Variants in ESS2 observed in about 807,000 individuals in gnomAD.
ESS2 encodes the protein splicing factor ESS-2 homolog.
A neutral mutation model predicts 52.0 loss-of-function variants in ESS2; 31 were observed. The observed-to-expected ratio is 0.60, with a 90% CI of 0.45 to 0.81. The LOEUF (loss-of-function observed/expected upper bound fraction) is 0.81, where lower values mean the gene tolerates loss of function less well. ESS2 is among the 30% of genes least tolerant of loss of function. The pLI is 0.00. For missense variants in ESS2, 602 were observed against 637.2 expected (o/e 0.94, Z 0.59); for synonymous variants, 285 against 259.2 (o/e 1.10, Z -0.95).
rs2083513918 is a variant in ESS2 at position 19,132,065 on chromosome 22, G to A, written c.*2131C>T. ...TGCCCTATGACGACTCCGACATCAG[G>A]AAGATGCTGCGTATCCAGAAGGAGC... On this transcript the variant is annotated 3_prime_UTR_variant, in exon 10 of 10. Coordinates refer to ENST00000252137, the MANE Select transcript of ESS2 (RefSeq NM_022719.3). This position sits in a 1 kb window ranked among gnomAD's most constrained non-coding sequence, Gnocchi z 4.2. 3.1e-6 allele frequency: 5 copies of A among 1,614,010 alleles called. No individual in the cohort carries two copies. In the Middle Eastern group the frequency reaches 6.6e-4, roughly 213 times the overall value.
intron 1 of ESS2, 175 bp downstream of exon 1, chr22:19,144,331 C>T (rs2083747243): frequency 7.1e-7 from 1 of 1,417,284 alleles, no homozygotes; most frequent in Non-Finnish European, 9.2e-7. Context: ...ACTACAGCCT[C>T]TTCCACCACA....
In ESS2 at chr22:19,144,521, C is replaced by T. The variant is rs770410230; in HGVS notation, c.120G>A (p.Glu40=). 3 of 1,610,862 alleles carry T rather than the reference C, an allele frequency of 1.9e-6. No individual in the cohort carries two copies. Among genetic ancestry groups the T allele is most frequent in the South Asian group, 1.1e-5 (1 of 91,042 alleles). Residue 40 remains glutamate (E), a synonymous_variant, in exon 1 of 10, where the codon GAG becomes GAA. Coordinates refer to ENST00000252137, the MANE Select transcript of ESS2 (RefSeq NM_022719.3). ...GAGGTCGTACCTCGATATACTCTTC[C>T]TCGTCCAGGACCCGCTGCTTGCTCG... is the stretch of plus-strand genomic sequence containing the variant. ...AATSKQRVLD[E]EEYIEGLQTV... is the part of the protein sequence containing the mutation.
rs2083502265 is a variant in ESS2 at position 19,131,186 on chromosome 22, T to TC, written c.*3009dup. The TC allele has an allele frequency of 1.8e-6, 1 of 543,998 alleles. No individual in the cohort carries two copies. Among genetic ancestry groups the TC allele is most frequent in the South Asian group, 2.5e-5 (1 of 40,088 alleles). 33.7% of individuals were successfully genotyped at this position (543,998 alleles called of 1,614,324 possible). A position where few individuals can be genotyped will look rare whatever the true frequency, so the allele number is the denominator to read the frequency against. On this transcript the variant is annotated 3_prime_UTR_variant, in exon 10 of 10. Transcript: ENST00000252137. The surrounding 1 kb of genome is among the most constrained non-coding windows in gnomAD (Gnocchi z 5.7). ...GCTTCCACGGTTCCAGAGACCCTGT[T>TC]CTCCCTCAGCCCAGTCCCCGCCCCC...
In ESS2 at chr22:19,138,715, T is replaced by C. The variant is rs575870216; in HGVS notation, c.823-398A>G. Reference sequence around the variant, plus strand: ...CTTCCTGCCTTCCCCACTTCAACCCTGTGACTGCCACAGTCACCATCAGAG... The same window carrying C: ...CTTCCTGCCTTCCCCACTTCAACCCCGTGACTGCCACAGTCACCATCAGAG... On this transcript the variant is annotated intron_variant, in intron 6 of 9. Coordinates refer to ENST00000252137, the MANE Select transcript of ESS2 (RefSeq NM_022719.3). Among the ~76,000 whole-genome samples the C allele has an allele frequency of 6.2e-4, 95 of 152,300 alleles. No homozygotes were observed. In the Middle Eastern group the frequency reaches 0.01, roughly 16 times the overall value.
At chr22:19,137,251 G>A (rs2083598807) in intron 8 of ESS2, 72 bp downstream of exon 8, 5 of 1,160,430 alleles carry the variant, frequency 4.3e-6, no homozygotes, top group South Asian at 4.2e-5. Flanking sequence ...GCTCAGTCCT[G>A]AGCCACAGGC....
At chr22:19,139,135 G>T in intron 6 of ESS2, 24 bp downstream of exon 6, 1 of 1,566,612 alleles carries the variant, frequency 6.4e-7, no homozygotes, top group Non-Finnish European at 8.6e-7. Context: ...TGGCCCATGC[G>T]GCCCTGCTGA....
At position 19,142,566 on chromosome 22, in the gene ESS2, G is replaced by A; in HGVS notation, c.372C>T (p.Pro124=). 3.7e-6 allele frequency: 6 copies of A among 1,612,728 alleles called. No individual in the cohort carries two copies. Among genetic ancestry groups the A allele is most frequent in the Non-Finnish European group, 5.1e-6 (6 of 1,179,516 alleles). The change falls in exon 3 of 10, where the codon CCC becomes CCT. Residue 124 remains proline (P), a synonymous_variant. Transcript: ENST00000252137. The part of the protein sequence containing the change: ...HAGTGVVGNK[P]RPRGRGLEDG... Reference sequence around the variant, plus strand: ...CCTCCAGGCCTCGGCCGCGGGGCCTGGGCTTGTTGCCCACCACTCCAGTGC... The same window carrying A: ...CCTCCAGGCCTCGGCCGCGGGGCCTAGGCTTGTTGCCCACCACTCCAGTGC...
At position 19,131,298 on chromosome 22, in the gene ESS2, C is replaced by G; in HGVS notation, c.*2898G>C. 9.6e-7 allele frequency: 1 copy of G among 1,043,590 alleles called. No homozygotes were observed. Among genetic ancestry groups the G allele is most frequent in the Non-Finnish European group, 1.4e-6 (1 of 706,712 alleles). 64.6% of individuals were successfully genotyped at this position (1,043,590 alleles called of 1,614,324 possible). ...CCCTGAGTCGAAGCCCAGCCCAGGG[C>G]AGCCCAGCCAGACGCCTCCGGTAGT... On this transcript the variant is annotated 3_prime_UTR_variant, in exon 10 of 10. Transcript: ENST00000252137. The surrounding 1 kb of genome is among the most constrained non-coding windows in gnomAD (Gnocchi z 5.7).
At chr22:19,136,031 TAAAAAAAA>T (rs377121962) in intron 8 of ESS2, among the ~76,000 whole-genome samples, 7 of 92,544 alleles carry the variant, frequency 7.6e-5, no homozygotes, top group Non-Finnish European at 1.4e-4. Context: ...CCCTATCTGT[TAAAAAAAA>T]AAAAAAAAAA....
In ESS2 at chr22:19,131,787, C is replaced by T; in HGVS notation, c.*2409G>A. On this transcript the variant is annotated 3_prime_UTR_variant, in exon 10 of 10. Transcript: ENST00000252137. This position sits in a 1 kb window ranked among gnomAD's most constrained non-coding sequence, Gnocchi z 5.7. Reference sequence around the variant, plus strand: ...CTCCGCCGTCAAGTACTGCCACGACCTGGACATCGTCCACCGGGACCTCAA... The same window carrying T: ...CTCCGCCGTCAAGTACTGCCACGACTTGGACATCGTCCACCGGGACCTCAA... 6.2e-7 allele frequency: 1 copy of T among 1,614,194 alleles called. No individual in the cohort carries two copies. The highest frequency in any genetic ancestry group is 8.5e-7 in the Non-Finnish European group (1 of 1,180,034).
chr22:19,137,250 T>C (rs1374470238), intron 8 of ESS2, 73 bp downstream of exon 8: 3 of 1,156,182 alleles, frequency 2.6e-6, no homozygotes. Context: ...TGCTCAGTCC[T>C]GAGCCACAGG....
At chr22:19,144,258 T>A in intron 1 of ESS2, 1 of 1,274,616 alleles carries the variant, frequency 7.8e-7, no homozygotes, top group Non-Finnish European at 9.9e-7. Context: ...TAACAGAAAA[T>A]CTTCTTTCCC....
Position 19,132,170 on chromosome 22 carries a change from C to T in ESS2, c.*2026G>A. The T allele has an allele frequency of 6.2e-7, 1 of 1,613,342 alleles. No individual in the cohort carries two copies. ...TCTACCGCATGCTGCAGCCCGACGTCAGCCAGCGGCTCCACATCGATGAGA... is the reference window on the plus strand; with the variant it reads ...TCTACCGCATGCTGCAGCCCGACGTTAGCCAGCGGCTCCACATCGATGAGA... On this transcript the variant is annotated 3_prime_UTR_variant, in exon 10 of 10. Coordinates refer to ENST00000252137, the MANE Select transcript of ESS2 (RefSeq NM_022719.3). This position sits in a 1 kb window ranked among gnomAD's most constrained non-coding sequence, Gnocchi z 4.2.
intron 3 of ESS2, among the ~76,000 whole-genome samples, chr22:19,141,406 G>A (rs554016149): frequency 5.9e-5 from 9 of 152,320 alleles, no homozygotes; most frequent in Non-Finnish European, 1.0e-4. Context: ...TGACAACGCA[G>A]AAGTCCCATG....
rs368344123 is a variant in ESS2 at position 19,131,533 on chromosome 22, G to T, written c.*2663C>A. 1 of 1,614,132 alleles carries T rather than the reference G, an allele frequency of 6.2e-7. No homozygotes were observed. Among genetic ancestry groups the T allele is most frequent in the Non-Finnish European group, 8.5e-7 (1 of 1,180,024 alleles). On this transcript the variant is annotated 3_prime_UTR_variant, in exon 10 of 10. Coordinates refer to ENST00000252137, the MANE Select transcript of ESS2 (RefSeq NM_022719.3). The surrounding 1 kb of genome is among the most constrained non-coding windows in gnomAD (Gnocchi z 5.7). ...AATGTGGCTGTCAAGATCATCGACC[G>T]CAAGAAAACACCTACTGACTTTGTG... is the stretch of plus-strand genomic sequence containing the variant.
rs981328830 is a variant in ESS2 at position 19,137,837 on chromosome 22, C to T, written c.925+378G>A. 3.2e-5 allele frequency: 32 copies of T among 985,404 alleles called. 1 individual carries two copies. The Middle Eastern group carries it at 1.6e-3, about 48-fold the overall frequency. 61.0% of individuals were successfully genotyped at this position (985,404 alleles called of 1,614,324 possible). On this transcript the variant is annotated intron_variant, in intron 7 of 9. Coordinates refer to ENST00000252137, the MANE Select transcript of ESS2 (RefSeq NM_022719.3). ...AGGCCAGAGTGCAGAGGGACACCCA[C>T]GCATGCCACAAGACCACCTGAGTTT... is the stretch of plus-strand genomic sequence containing the variant.
At position 19,139,312 on chromosome 22, in the gene ESS2, T is replaced by TAGC; in HGVS notation, c.689-23_689-21dup. 1 of 1,565,124 alleles carries TAGC rather than the reference T, an allele frequency of 6.4e-7. No individual in the cohort carries two copies. The highest frequency in any genetic ancestry group is 8.7e-7 in the Non-Finnish European group (1 of 1,154,250). ...GGACACCTGGCAGACGAAGCAAAGG[T>TAGC]AGCAGCAGGTGTCAGAAGGGCAGCA... On this transcript the variant is annotated intron_variant, in intron 5 of 9. Coordinates refer to ENST00000252137, the MANE Select transcript of ESS2 (RefSeq NM_022719.3).
At chr22:19,143,534 C>T (rs554751031) in intron 1 of ESS2, among the ~76,000 whole-genome samples, 76 of 152,346 alleles carry the variant, frequency 5.0e-4, no homozygotes, top group South Asian at 1.7e-3. Flanking sequence ...CACTTTCATT[C>T]CACACATGAC....
intron 2 of ESS2, 22 bp downstream of exon 2, chr22:19,142,702 CCG>C: frequency 6.2e-7 from 1 of 1,610,796 alleles, no homozygotes; most frequent in Non-Finnish European, 8.5e-7. Context: ...TTTCCCCTCT[CCG>C]CCACCCACAG....
Sources: allele counts gnomAD v4.1 joint callset (sites outside exome capture counted in the v4.1 genomes callset), GRCh38; gene constraint gnomAD v4.1.1; non-coding constraint Gnocchi (gnomAD v3.1); transcripts MANE v1.5; gene names NCBI Gene and HGNC (gene_info 2026-07-23, HGNC 2026-07-21).